TSPAN18: variants seen among roughly 807,000 people sequenced by gnomAD.
TSPAN18 encodes tetraspanin-18.
TSPAN18 carries 14 observed loss-of-function variants against 27.3 expected under a neutral mutation model. The ratio of observed to expected loss-of-function variants is 0.51; its 90% CI spans 0.34 to 0.80. The LOEUF is 0.80. TSPAN18 is among the 30% of genes least tolerant of loss of function. The pLI is 0.01. For missense variants in TSPAN18, 268 were observed against 323.9 expected, an observed-to-expected ratio of 0.83 and a Z score of 1.32; for synonymous variants, 143 against 136.5, an observed-to-expected ratio of 1.05 and a Z score of -0.33.
At chr11:44,769,146 C>T (rs780532173) in intron 2 of TSPAN18, among the ~76,000 whole-genome samples, 12 of 152,270 alleles carry the variant, frequency 7.9e-5, no homozygotes, top group Admixed American at 2.0e-4. Flanking sequence ...CCACCTGCCT[C>T]GGCCTCCCAA....
chr11:44,815,097 G>A (rs1412602947), intron 2 of TSPAN18, among the ~76,000 whole-genome samples: 1 of 152,180 alleles, frequency 6.6e-6, no homozygotes, highest in African/African-American at 2.4e-5. Context: ...AGATGGTGAA[G>A]CCAGTCAGAG....
At chr11:44,893,193 T>C (rs1046362935) in intron 3 of TSPAN18, among the ~76,000 whole-genome samples, 2 of 152,256 alleles carry the variant, frequency 1.3e-5, no homozygotes, top group African/African-American at 4.8e-5. Context: ...GTGCCCATCC[T>C]GGCTCAACTC....
At chr11:44,765,737 G>A (rs762412434) in intron 2 of TSPAN18, among the ~76,000 whole-genome samples, 35 of 152,194 alleles carry the variant, frequency 2.3e-4, no homozygotes, top group Non-Finnish European at 7.4e-5. Context: ...GTGACTTGAA[G>A]CTTAAGATTA....
chr11:44,897,738 T>G, intron 3 of TSPAN18: 2 of 1,283,728 alleles, frequency 1.6e-6, no homozygotes, highest in Non-Finnish European at 1.0e-6. Context: ...GAATATTTTC[T>G]CTTATTGGAC....
At chr11:44,803,076 A>C (rs1590497081) in intron 2 of TSPAN18, among the ~76,000 whole-genome samples, 1 of 152,342 alleles carries the variant, frequency 6.6e-6, no homozygotes, top group East Asian at 1.9e-4. Flanking sequence ...TCACTGGTCT[A>C]TGAAACCAAG....
Position 44,862,468 on chromosome 11 carries a change from C to T in TSPAN18, c.-11+1999C>T, listed in dbSNP as rs536703415. 3.3e-3 allele frequency among the ~76,000 whole-genome samples: 510 copies of T among 152,310 alleles called. 5 individuals carry two copies. Among genetic ancestry groups the T allele is most frequent in the African/African-American group, 0.011 (457 of 41,552 alleles). On this transcript the variant is annotated intron_variant, in intron 3 of 9. Transcript: ENST00000520358. ...GCTCTGACTCACCATGCAGCCAGCT[C>T]AGCGCTCAGCACCACCCTGCCTTAT... is the stretch of plus-strand genomic sequence containing the variant.
intron 2 of TSPAN18, among the ~76,000 whole-genome samples, chr11:44,851,055 C>T (rs191348987): frequency 2.0e-5 from 3 of 152,244 alleles, no homozygotes; most frequent in African/African-American, 7.2e-5. Flanking sequence ...GGTTTCCTCC[C>T]TCTTGGTCAG....
At chr11:44,897,680 A>C in intron 3 of TSPAN18, 1 of 1,061,330 alleles carries the variant, frequency 9.4e-7, no homozygotes, top group South Asian at 1.3e-5. Context: ...GGTTTTCATA[A>C]ACAGCTCCTT....
At chr11:44,873,967 G>C (rs948797377) in intron 3 of TSPAN18, among the ~76,000 whole-genome samples, 1 of 152,196 alleles carries the variant, frequency 6.6e-6, no homozygotes, top group Admixed American at 6.5e-5. Flanking sequence ...GCCTCTCCAG[G>C]CCAGCTGGGT....
intron 4 of TSPAN18, among the ~76,000 whole-genome samples, chr11:44,908,831 A>AAAGAGAAAGAAAG (rs1590671474): frequency 3.1e-5 from 3 of 96,158 alleles, no homozygotes; most frequent in Non-Finnish European, 6.6e-5. Flanking sequence ...AAGAAAGAAA[A>AAAGAGAAAGAAAG]AGAAAAATGG....
rs193159566 is a variant in TSPAN18 at position 44,890,517 on chromosome 11, A to T, written c.-10-15890A>T. Reference sequence around the variant, plus strand: ...GGCAGGCGGATCACGAGGTCAGGAGATCGAGACCATCCTGGCTAACACAGT... The same window carrying T: ...GGCAGGCGGATCACGAGGTCAGGAGTTCGAGACCATCCTGGCTAACACAGT... On this transcript the variant is annotated intron_variant, in intron 3 of 9. Transcript: ENST00000520358. Among the ~76,000 whole-genome samples the T allele has an allele frequency of 3.8e-3, 582 of 151,940 alleles. 2 individuals carry two copies. The highest frequency in any genetic ancestry group is 0.013 in the South Asian group (64 of 4,788).
In TSPAN18 at chr11:44,930,697, C is replaced by A; in HGVS notation, c.*1519C>A. 2.6e-6 allele frequency: 1 copy of A among 383,318 alleles called. No homozygotes were observed. Among genetic ancestry groups the A allele is most frequent in the Admixed American group, 2.9e-5 (1 of 33,900 alleles). The allele number at this position is 383,318 out of a possible 1,614,324, so 23.7% of individuals were successfully genotyped here. On this transcript the variant is annotated 3_prime_UTR_variant, in exon 10 of 10. Transcript: ENST00000520358. ...TCAGGGGTGGCTGCTGGAGGCTGTG[C>A]TGGGGATCTGAGGTTTGGTCTGGGC...
At chr11:44,823,888 T>A (rs1856980351) in intron 2 of TSPAN18, among the ~76,000 whole-genome samples, 1 of 152,028 alleles carries the variant, frequency 6.6e-6, no homozygotes. Flanking sequence ...AGGAAGAGAA[T>A]ATGAAAGAGG....
In TSPAN18 at chr11:44,855,149, GT is replaced by G. The variant is rs145095333; in HGVS notation, c.-152-5169del. On this transcript the variant is annotated intron_variant, in intron 2 of 9. Coordinates refer to ENST00000520358, the MANE Select transcript of TSPAN18 (RefSeq NM_130783.5). ...TAGATAATATGGATTCATCCTGAAG[GT>G]TTTTTTTTTCATTAACTTAACTCAT... Among the ~76,000 whole-genome samples, 273 of 148,956 alleles carry G rather than the reference GT, an allele frequency of 1.8e-3. 1 individual carries two copies. Among genetic ancestry groups the G allele is most frequent in the African/African-American group, 6.0e-3 (246 of 40,796 alleles).
intron 2 of TSPAN18, among the ~76,000 whole-genome samples, chr11:44,799,184 CA>C (rs1856419497): frequency 6.6e-6 from 1 of 152,114 alleles, no homozygotes; most frequent in African/African-American, 2.4e-5. Context: ...GCCCCCTCCC[CA>C]GGGGGCCTGT....
At chr11:44,869,683 C>T (rs1858138737) in intron 3 of TSPAN18, among the ~76,000 whole-genome samples, 1 of 152,226 alleles carries the variant, frequency 6.6e-6, no homozygotes, top group Non-Finnish European at 1.5e-5. Flanking sequence ...TGACTTTATC[C>T]TAACTCAGAG....
rs117060278 is a variant in TSPAN18 at position 44,846,592 on chromosome 11, C to G, written c.-152-13736C>G. 2.7e-4 allele frequency among the ~76,000 whole-genome samples: 10 copies of G among 37,550 alleles called. 1 individual carries two copies. Among genetic ancestry groups the G allele is most frequent in the South Asian group, 1.0e-3 (1 of 976 alleles). 24.6% of individuals were successfully genotyped at this position (37,550 alleles called of 152,430 possible). On this transcript the variant is annotated intron_variant, in intron 2 of 9. Transcript: ENST00000520358. The stretch of plus-strand genomic sequence containing the variant: ...GGGCTGGGCTCTTCCAAGAGGCTGT[C>G]TGTGTGTGTGTGTTTGTGTGTGTGT...
At chr11:44,824,017 C>T (rs1856983470) in intron 2 of TSPAN18, among the ~76,000 whole-genome samples, 1 of 152,184 alleles carries the variant, frequency 6.6e-6, no homozygotes, top group Non-Finnish European at 1.5e-5. Context: ...CGCTGGGAAT[C>T]GGCTAAAAAG....
At chr11:44,888,530 A>G (rs1167599642) in intron 3 of TSPAN18, among the ~76,000 whole-genome samples, 1 of 152,176 alleles carries the variant, frequency 6.6e-6, no homozygotes, top group African/African-American at 2.4e-5. Context: ...CAAAGGGTTT[A>G]TAATCTGGTA....
Sources: allele counts gnomAD v4.1 joint callset (sites outside exome capture counted in the v4.1 genomes callset), GRCh38; gene constraint gnomAD v4.1.1; transcripts MANE v1.5; gene names NCBI Gene and HGNC (gene_info 2026-07-23, HGNC 2026-07-21).